Variants in ETV6 observed in about 807,000 individuals in gnomAD.
ETV6 encodes the protein transcription factor ETV6.
In ETV6, 16 loss-of-function variants were observed where a neutral mutation model predicts 51.1. The ratio of observed to expected loss-of-function variants is 0.31; its 90% CI spans 0.21 to 0.48. The LOEUF (loss-of-function observed/expected upper bound fraction) is 0.48, where lower values mean the gene tolerates loss of function less well. Among genes scored for constraint, ETV6 ranks in the 20% least tolerant of loss-of-function variants. ETV6 has a pLI of 0.99. For missense variants in ETV6, 458 were observed against 594.8 expected (o/e 0.77, Z 2.39); for synonymous variants, 240 against 224.1 (o/e 1.07, Z -0.64).
intron 1 of ETV6, among the ~76,000 whole-genome samples, chr12:11,726,708 T>A (rs977856371): frequency 4.1e-4 from 63 of 152,314 alleles, no homozygotes; most frequent in African/African-American, 1.5e-3. Context: ...AGTTCAAGGC[T>A]GCAGTGAGCC....
intron 1 of ETV6, among the ~76,000 whole-genome samples, chr12:11,693,465 G>T (rs1171513443): frequency 6.6e-6 from 1 of 152,186 alleles, no homozygotes; most frequent in Admixed American, 6.5e-5. Flanking sequence ...TCCCTTGGTG[G>T]CATATCCAGT....
Position 11,701,439 on chromosome 12 carries a change from T to A in ETV6, c.34-51011T>A, listed in dbSNP as rs185190556. On this transcript the variant is annotated intron_variant, in intron 1 of 7. Coordinates refer to ENST00000396373, the MANE Select transcript of ETV6 (RefSeq NM_001987.5). ...GATGTTAAAAGGTTTATCCATGTTG[T>A]AGCATGTGTCAGAATTTCATTCCTT... 2.8e-3 allele frequency among the ~76,000 whole-genome samples: 429 copies of A among 152,342 alleles called. 1 individual carries two copies. The highest frequency in any genetic ancestry group is 9.1e-3 in the African/African-American group (378 of 41,572).
chr12:11,657,016 T>C (rs1050107224), intron 1 of ETV6, among the ~76,000 whole-genome samples: 5 of 152,170 alleles, frequency 3.3e-5, no homozygotes, highest in Non-Finnish European at 7.4e-5. Context: ...TTGACCCAAC[T>C]CGCCTGTTCT....
intron 4 of ETV6, among the ~76,000 whole-genome samples, chr12:11,858,405 T>TATA (rs35490088): frequency 1.1e-3 from 164 of 147,642 alleles, no homozygotes; most frequent in African/African-American, 3.9e-3. Flanking sequence ...TATATATATA[T>TATA]TTTTTTTTAA....
intron 2 of ETV6, among the ~76,000 whole-genome samples, chr12:11,763,282 T>C (rs1945117882): frequency 6.6e-6 from 1 of 152,244 alleles, no homozygotes; most frequent in Non-Finnish European, 1.5e-5. Context: ...TTTACAACTC[T>C]GTCAAGCATT....
At chr12:11,731,390 TGTA>T (rs1003245857) in intron 1 of ETV6, among the ~76,000 whole-genome samples, 9 of 152,120 alleles carry the variant, frequency 5.9e-5, no homozygotes, top group African/African-American at 1.9e-4. Context: ...CAAAATTTCA[TGTA>T]GTAAGAATGC....
intron 1 of ETV6, among the ~76,000 whole-genome samples, chr12:11,713,558 A>G (rs1012361300): frequency 4.6e-5 from 7 of 152,168 alleles, no homozygotes; most frequent in Non-Finnish European, 7.3e-5. Context: ...AGCTCAGATG[A>G]CTGCATGTCT....
chr12:11,814,029 A>G (rs1945953845), intron 2 of ETV6, among the ~76,000 whole-genome samples: 1 of 152,228 alleles, frequency 6.6e-6, no homozygotes, highest in Non-Finnish European at 1.5e-5. Flanking sequence ...TTTTAACATC[A>G]TAATTCCAGT....
intron 1 of ETV6, among the ~76,000 whole-genome samples, chr12:11,744,133 C>T (rs1051418720): frequency 4.6e-5 from 7 of 152,178 alleles, no homozygotes; most frequent in African/African-American, 1.7e-4. Context: ...GGCAATAGTA[C>T]ATGCCTGGAA....
Position 11,760,771 on chromosome 12 carries a change from A to C in ETV6, c.163+8192A>C, listed in dbSNP as rs149549982. Among the ~76,000 whole-genome samples, 11 of 152,118 alleles carry C rather than the reference A, an allele frequency of 7.2e-5. No homozygotes were observed. The East Asian group carries it at 2.1e-3, about 29-fold the overall frequency. ...ACAGGAGCCTGTGTTTCTCCTTAGG[A>C]GCCACTCTGAGGTCAACCGTGTTTA... On this transcript the variant is annotated intron_variant, in intron 2 of 7. Coordinates refer to ENST00000396373, the MANE Select transcript of ETV6 (RefSeq NM_001987.5).
intron 4 of ETV6, among the ~76,000 whole-genome samples, chr12:11,859,965 G>A (rs747168257): frequency 5.9e-5 from 9 of 152,130 alleles, no homozygotes; most frequent in Non-Finnish European, 8.8e-5. Flanking sequence ...GAGTTGGACC[G>A]AATTCACCCT....
intron 2 of ETV6, among the ~76,000 whole-genome samples, chr12:11,765,575 T>G (rs1359652580): frequency 1.3e-5 from 2 of 152,160 alleles, no homozygotes; most frequent in African/African-American, 4.8e-5. Context: ...CTGTATCTTA[T>G]TCACTTCAGC....
chr12:11,675,016 C>T lies in ETV6; in HGVS notation c.33+24856C>T, dbSNP rs546994166. Reference sequence around the variant, plus strand: ...GGCTGTGAAGGTACAGCCAGGCCCTCCGTCAGCTCCCTGAGACAGGCCTTG... The same window carrying T: ...GGCTGTGAAGGTACAGCCAGGCCCTTCGTCAGCTCCCTGAGACAGGCCTTG... On this transcript the variant is annotated intron_variant, in intron 1 of 7. Coordinates refer to ENST00000396373, the MANE Select transcript of ETV6 (RefSeq NM_001987.5). Among the ~76,000 whole-genome samples the T allele has an allele frequency of 2.0e-5, 3 of 152,354 alleles. No individual in the cohort carries two copies. In the South Asian group the frequency reaches 6.2e-4, roughly 32 times the overall value.
chr12:11,803,669 C>G (rs1945785145), intron 2 of ETV6, among the ~76,000 whole-genome samples: 1 of 152,100 alleles, frequency 6.6e-6, no homozygotes, highest in African/African-American at 2.4e-5. Flanking sequence ...GTTTGGGGCA[C>G]TCAGAGGAAG....
At chr12:11,686,537 T>A (rs539160937) in intron 1 of ETV6, among the ~76,000 whole-genome samples, 3 of 151,694 alleles carry the variant, frequency 2.0e-5, no homozygotes, top group East Asian at 1.9e-4. Flanking sequence ...CTGTCATGAC[T>A]TTTTTTTTGA....
At chr12:11,674,561 CT>C (rs1864378490) in intron 1 of ETV6, among the ~76,000 whole-genome samples, 4 of 151,666 alleles carry the variant, frequency 2.6e-5, no homozygotes, top group Admixed American at 1.3e-4. Flanking sequence ...TTCTGTGGCG[CT>C]GCTAAAATGT....
At chr12:11,665,784 C>T (rs1864183415) in intron 1 of ETV6, among the ~76,000 whole-genome samples, 1 of 152,170 alleles carries the variant, frequency 6.6e-6, no homozygotes, top group South Asian at 2.1e-4. Flanking sequence ...GAACATACTG[C>T]CACCTCCCAT....
chr12:11,660,326 G>A lies in ETV6; in HGVS notation c.33+10166G>A, dbSNP rs572576992. 4.6e-5 allele frequency among the ~76,000 whole-genome samples: 7 copies of A among 151,652 alleles called. No individual in the cohort carries two copies. The East Asian group carries it at 5.9e-4, about 13-fold the overall frequency. ...GACTTCATAAAAAGGGAGATGGGGC[G>A]GGGCGTGGTGGCTCACGCCTGTAAT... On this transcript the variant is annotated intron_variant, in intron 1 of 7. Coordinates refer to ENST00000396373, the MANE Select transcript of ETV6 (RefSeq NM_001987.5).
intron 5 of ETV6, among the ~76,000 whole-genome samples, chr12:11,880,977 C>T (rs991675619): frequency 5.3e-5 from 8 of 152,132 alleles, no homozygotes; most frequent in South Asian, 2.1e-4. Context: ...GTCACTCTAT[C>T]GCCCAGGCTG....
Sources: allele counts gnomAD v4.1 joint callset (sites outside exome capture counted in the v4.1 genomes callset), GRCh38; gene constraint gnomAD v4.1.1; transcripts MANE v1.5; gene names NCBI Gene and HGNC (gene_info 2026-07-23, HGNC 2026-07-21).